Variants in PTPRZ1 observed in about 807,000 individuals in gnomAD.
PTPRZ1 encodes receptor-type tyrosine-protein phosphatase zeta.
In PTPRZ1, 82 loss-of-function variants were observed where a neutral mutation model predicts 214.1. The observed-to-expected ratio is 0.38, with a 90% CI of 0.32 to 0.46. PTPRZ1 has a LOEUF of 0.46. Among genes scored for constraint, PTPRZ1 ranks in the 20% least tolerant of loss-of-function variants. The pLI is 1.00. For synonymous variants in PTPRZ1, 945 were observed against 987.9 expected (o/e 0.96, Z 0.81); for missense variants, 2,603 against 2,748.7 (o/e 0.95, Z 1.19).
At position 121,873,223 on chromosome 7, in the gene PTPRZ1, C is replaced by G. The variant is rs1195168599; in HGVS notation, c.-277C>G. The G allele has an allele frequency of 7.0e-6, 3 of 427,014 alleles. No individual in the cohort carries two copies. Among genetic ancestry groups the G allele is most frequent in the African/African-American group, 2.0e-5 (1 of 49,102 alleles). 26.5% of individuals were successfully genotyped at this position (427,014 alleles called of 1,614,324 possible). On this transcript the variant is annotated 5_prime_UTR_variant, in exon 1 of 30. Transcript: ENST00000393386. ...CCCGCACGCCGGAGGACATGCGCCTCGGCTAGCGGCCCCGGGCCCCACCAC... is the reference window on the plus strand; with the variant it reads ...CCCGCACGCCGGAGGACATGCGCCTGGGCTAGCGGCCCCGGGCCCCACCAC...
At chr7:122,048,650 A>G (rs1198709319) in intron 23 of PTPRZ1, among the ~76,000 whole-genome samples, 1 of 152,160 alleles carries the variant, frequency 6.6e-6, no homozygotes, top group African/African-American at 2.4e-5. Context: ...TGAAAACTAA[A>G]AAGAATTTTT....
intron 2 of PTPRZ1, among the ~76,000 whole-genome samples, chr7:121,960,595 T>C (rs1017353685): frequency 6.6e-6 from 1 of 152,196 alleles, no homozygotes; most frequent in East Asian, 1.9e-4. Flanking sequence ...TAATTATTTT[T>C]CCATTAATCT....
At chr7:121,894,531 G>C (rs769560491) in intron 1 of PTPRZ1, among the ~76,000 whole-genome samples, 2 of 151,980 alleles carry the variant, frequency 1.3e-5, no homozygotes, top group Non-Finnish European at 2.9e-5. Context: ...TCAGCCTCCT[G>C]TTTAGCTGGG....
At chr7:121,982,297 G>A (rs1797636456) in intron 6 of PTPRZ1, among the ~76,000 whole-genome samples, 1 of 152,028 alleles carries the variant, frequency 6.6e-6, no homozygotes, top group Non-Finnish European at 1.5e-5. Flanking sequence ...ATATGTAACA[G>A]TATGACAGCT....
chr7:121,988,146 G>A (rs1335190849), intron 8 of PTPRZ1, among the ~76,000 whole-genome samples: 3 of 152,054 alleles, frequency 2.0e-5, no homozygotes, highest in Non-Finnish European at 4.4e-5. Flanking sequence ...CTGCATATGT[G>A]CTCTTCTATC....
At chr7:121,935,703 G>A (rs1410284552) in intron 2 of PTPRZ1, among the ~76,000 whole-genome samples, 2 of 152,012 alleles carry the variant, frequency 1.3e-5, no homozygotes, top group African/African-American at 4.8e-5. Context: ...GAGTAGCTGG[G>A]ACTACAGGCG....
chr7:121,952,063 A>G (rs1197985874), intron 2 of PTPRZ1, among the ~76,000 whole-genome samples: 3 of 150,712 alleles, frequency 2.0e-5, no homozygotes. Flanking sequence ...GGTTCACGCC[A>G]TTCTCCTGCC....
At position 122,013,533 on chromosome 7, in the gene PTPRZ1, C is replaced by G. The variant is rs1798747615; in HGVS notation, c.4487C>G (p.Thr1496Ser). 2.5e-6 allele frequency: 4 copies of G among 1,614,106 alleles called. No individual in the cohort carries two copies. The highest frequency in any genetic ancestry group is 2.7e-5 in the African/African-American group (2 of 75,024). Reference sequence around the variant, plus strand: ...ACAAGTGTATCCTCAGACAGTCAAACTGGTATGGACAGAAGTCCTGGTAAA... The same window carrying G: ...ACAAGTGTATCCTCAGACAGTCAAAGTGGTATGGACAGAAGTCCTGGTAAA... ...RVTSVSSDSQ[T>S]GMDRSPGKSP... The change falls in exon 12 of 30, where the codon ACT (threonine) becomes AGT (serine). Residue 1496 changes from threonine to serine, a missense_variant. By Grantham distance (58) the Thr-to-Ser change is moderately conservative (BLOSUM62 1). Around this residue, in one of 6 missense-constraint regions of PTPRZ1, gnomAD observed 1,913 missense variants for 1,914.3 expected, o/e 1.00. Coordinates refer to ENST00000393386, the MANE Select transcript of PTPRZ1 (RefSeq NM_002851.3).
At chr7:122,005,068 C>G (rs542160475) in intron 11 of PTPRZ1, among the ~76,000 whole-genome samples, 1 of 152,042 alleles carries the variant, frequency 6.6e-6, no homozygotes, top group Non-Finnish European at 1.5e-5. Context: ...TAGATTAACG[C>G]TAAATGTGGC....
At chr7:121,963,704 T>C (rs1796950400) in intron 2 of PTPRZ1, among the ~76,000 whole-genome samples, 1 of 152,122 alleles carries the variant, frequency 6.6e-6, no homozygotes, top group African/African-American at 2.4e-5. Flanking sequence ...AAGGCCCTAT[T>C]GAAGATAGCT....
chr7:121,970,642 T>C (rs1038054752), intron 3 of PTPRZ1, among the ~76,000 whole-genome samples: 17 of 152,224 alleles, frequency 1.1e-4, no homozygotes, highest in African/African-American at 4.1e-4. Context: ...CACTTTTTGA[T>C]GGGGTTGTTT....
At chr7:121,997,327 A>G (rs1280574328) in intron 9 of PTPRZ1, among the ~76,000 whole-genome samples, 1 of 152,208 alleles carries the variant, frequency 6.6e-6, no homozygotes, top group Non-Finnish European at 1.5e-5. Flanking sequence ...ATTATGTTTC[A>G]TATCATGTGG....
chr7:121,911,325 C>T (rs544552484), intron 1 of PTPRZ1, among the ~76,000 whole-genome samples: 23 of 152,092 alleles, frequency 1.5e-4, no homozygotes, highest in Non-Finnish European at 3.1e-4. Context: ...TTTAAGCTTT[C>T]GCATAATTTA....
At chr7:122,055,284 C>A (rs546099375) in intron 27 of PTPRZ1, among the ~76,000 whole-genome samples, 197 bp downstream of exon 27, 1 of 151,928 alleles carries the variant, frequency 6.6e-6, no homozygotes, top group African/African-American at 2.4e-5. Flanking sequence ...GTCATCACTA[C>A]GTCATTCCTG....
At chr7:121,928,268 T>C (rs1261279992) in intron 2 of PTPRZ1, 47 bp downstream of exon 2, 2 of 1,395,782 alleles carry the variant, frequency 1.4e-6, no homozygotes, top group Admixed American at 3.9e-5. Context: ...ACTTTTATTG[T>C]TTTGTATCTA....
intron 8 of PTPRZ1, among the ~76,000 whole-genome samples, chr7:121,996,081 T>C (rs756674753): frequency 6.6e-5 from 10 of 152,142 alleles, no homozygotes; most frequent in Non-Finnish European, 1.5e-4. Flanking sequence ...AATGATAAAA[T>C]AGGCAATTGA....
intron 2 of PTPRZ1, among the ~76,000 whole-genome samples, chr7:121,951,617 C>T (rs996223143): frequency 1.3e-5 from 2 of 152,212 alleles, no homozygotes; most frequent in African/African-American, 4.8e-5. Flanking sequence ...AAACAGGTGT[C>T]AGCTGGGGTT....
intron 14 of PTPRZ1, among the ~76,000 whole-genome samples, chr7:122,030,403 C>T (rs1045076333): frequency 1.2e-4 from 18 of 152,058 alleles, no homozygotes; most frequent in African/African-American, 4.3e-4. Context: ...AGGACATTTA[C>T]TAGGACTAAT....
chr7:121,928,302 T>C (rs1328830971), intron 2 of PTPRZ1, 81 bp downstream of exon 2: 18 of 1,017,496 alleles, frequency 1.8e-5, no homozygotes, highest in Non-Finnish European at 2.4e-5. Flanking sequence ...AAGGAAGCTT[T>C]GTAGCACAAC....
Sources: gnomAD v4.1 joint callset for allele counts (sites outside exome capture counted in the v4.1 genomes callset) on GRCh38, gnomAD v4.1.1 for gene constraint, gnomAD v4.1.1 regional missense constraint, MANE v1.5 for transcripts, NCBI Gene and HGNC (gene_info 2026-07-23, HGNC 2026-07-21) for gene names.